Variants in CHLSN observed in about 807,000 individuals in gnomAD.
CHLSN encodes protein cholesin.
chr7:1,058,795 C>T, the CHLSN span: 3 of 473,506 alleles, frequency 6.3e-6, no homozygotes, highest in South Asian at 3.7e-5. Flanking sequence ...CTTCAGCCTC[C>T]TCAGCATTCA....
chr7:1,080,877 G>C, the CHLSN span: 1 of 152,508 alleles, frequency 6.6e-6, no homozygotes, highest in South Asian at 2.1e-4. Flanking sequence ...GAGCCGCTTG[G>C]CCTGGGCCCT....
chr7:1,017,709 C>T, the CHLSN span, among the ~76,000 whole-genome samples: 12 of 152,220 alleles, frequency 7.9e-5, no homozygotes, highest in East Asian at 3.8e-4. Flanking sequence ...AACTGACTGC[C>T]GCGGGCAGCC....
chr7:1,039,167 G>A, the CHLSN span, among the ~76,000 whole-genome samples: 2 of 28,814 alleles, frequency 6.9e-5, no homozygotes, highest in African/African-American at 2.9e-4. Flanking sequence ...CCGGCCAGCC[G>A]CCCCGTCCGG....
chr7:993,237 G>A, the CHLSN span, among the ~76,000 whole-genome samples: 3,598 of 152,276 alleles, frequency 0.024, 61 homozygotes, highest in South Asian at 0.036. Flanking sequence ...CGCGTGGAGA[G>A]AGCGCCCGTT....
the CHLSN span, among the ~76,000 whole-genome samples, chr7:1,064,598 C>T: frequency 1.6e-4 from 25 of 152,350 alleles, no homozygotes; most frequent in East Asian, 4.8e-3. Context: ...GCTCAAAGCT[C>T]AAGTGTCACC....
chr7:1,089,615 G>T, the CHLSN span, among the ~76,000 whole-genome samples: 1 of 151,458 alleles, frequency 6.6e-6, no homozygotes, highest in Non-Finnish European at 1.5e-5. Context: ...TAGAGACAGG[G>T]TTTCGCCATG....
the CHLSN span, among the ~76,000 whole-genome samples, chr7:993,837 C>A: frequency 4.6e-5 from 7 of 151,980 alleles, no homozygotes; most frequent in Non-Finnish European, 8.8e-5. Context: ...GGTGATTCAG[C>A]GGCCGAACCT....
At chr7:1,095,267 C>T in the CHLSN span, among the ~76,000 whole-genome samples, 3 of 143,196 alleles carry the variant, frequency 2.1e-5, no homozygotes, top group East Asian at 2.2e-4. Flanking sequence ...CAGGCAGCAG[C>T]CCCCCAAACC....
the CHLSN span, chr7:1,059,143 A>G: frequency 5.9e-6 from 1 of 168,216 alleles, no homozygotes; most frequent in Admixed American, 6.5e-5. Context: ...TGTCCCTGAC[A>G]CCCTCCCCAG....
the CHLSN span, among the ~76,000 whole-genome samples, chr7:1,032,075 T>C: frequency 0.11 from 16,424 of 152,122 alleles, 1,158 homozygotes; most frequent in Middle Eastern, 0.2. Context: ...TAACTATGTC[T>C]GACGCATTCT....
chr7:1,006,167 C>T, the CHLSN span, among the ~76,000 whole-genome samples: 1 of 152,262 alleles, frequency 6.6e-6, no homozygotes, highest in African/African-American at 2.4e-5. Flanking sequence ...AGTGGAGGGA[C>T]TGCTTCCAGC....
At chr7:1,060,083 TCCTCGTCAGCCTGG>T in the CHLSN span, among the ~76,000 whole-genome samples, 1 of 146,584 alleles carries the variant, frequency 6.8e-6, no homozygotes, top group Non-Finnish European at 1.5e-5. Flanking sequence ...GGGCAATTGT[TCCTCGTCAGCCTGG>T]CTGGAGACCT....
the CHLSN span, among the ~76,000 whole-genome samples, chr7:1,066,170 G>A: frequency 6.6e-6 from 1 of 152,232 alleles, no homozygotes. Flanking sequence ...CAAGCTCCAT[G>A]GCGCTGCGGG....
the CHLSN span, among the ~76,000 whole-genome samples, chr7:982,246 C>T: frequency 1.2e-4 from 18 of 152,102 alleles, no homozygotes; most frequent in African/African-American, 3.6e-4. Flanking sequence ...CTGGGGCTTT[C>T]CCTCCCAGCT....
the CHLSN span, chr7:1,026,256 T>C: frequency 6.6e-6 from 1 of 152,248 alleles, no homozygotes; most frequent in African/African-American, 2.4e-5. Context: ...TTCGCTACTA[T>C]TGGACCAGTT....
the CHLSN span, among the ~76,000 whole-genome samples, chr7:1,034,343 C>T: frequency 6.6e-6 from 1 of 151,874 alleles, no homozygotes; most frequent in South Asian, 2.1e-4. Flanking sequence ...CATAAATTCT[C>T]CCAAAATTGA....
At chr7:1,021,360 C>T in the CHLSN span, 1 of 985,168 alleles carries the variant, frequency 1.0e-6, no homozygotes, top group East Asian at 1.1e-4. Flanking sequence ...TAGGACCTGA[C>T]CTTGACAGAG....
At chr7:984,373 G>A in the CHLSN span, 1 of 1,539,894 alleles carries the variant, frequency 6.5e-7, no homozygotes, top group Non-Finnish European at 8.7e-7. Context: ...GGGTCTTGTG[G>A]GTGAGGGCTG....
the CHLSN span, among the ~76,000 whole-genome samples, chr7:1,001,728 CCTGT>C: frequency 1.3e-4 from 10 of 79,106 alleles, no homozygotes; most frequent in African/African-American, 2.9e-4. Context: ...TTAGTGGAGT[CCTGT>C]GGGTGGGGAG....
Sources: gnomAD v4.1 joint callset for allele counts (sites outside exome capture counted in the v4.1 genomes callset) on GRCh38, gnomAD v4.1.1 for gene constraint, MANE v1.5 for transcripts, NCBI Gene and HGNC (gene_info 2026-07-23, HGNC 2026-07-21) for gene names.